Variants in CD47 observed in about 807,000 individuals in gnomAD.
The protein encoded by CD47 is leukocyte surface antigen CD47.
In CD47, 11 loss-of-function variants were observed where a neutral mutation model predicts 44.6. That is an observed-to-expected ratio of 0.25 (90% CI 0.16 to 0.41). The LOEUF is 0.41. Ranked by LOEUF, CD47 falls within the 10% of genes least tolerant of loss-of-function variation. The pLI, the probability that CD47 is intolerant of heterozygous loss-of-function variation, is 1.00. For missense variants in CD47, 306 were observed against 386.7 expected (o/e 0.79, Z 1.75); for synonymous variants, 140 against 136.3 (o/e 1.03, Z -0.19).
chr3:108,090,485 C>A (rs762676952), intron 1 of CD47, among the ~76,000 whole-genome samples: 9 of 152,086 alleles, frequency 5.9e-5, no homozygotes, highest in Admixed American at 1.3e-4. Context: ...GAGAGGGGTG[C>A]GAAAGAAGGG....
chr3:108,052,150 ACT>A, intron 7 of CD47, 180 bp from the exon 8 acceptor site: 1 of 442,386 alleles, frequency 2.3e-6, no homozygotes, highest in East Asian at 4.1e-5. Context: ...GATTATATAC[ACT>A]GATTTGAAAA....
At chr3:108,072,030 T>C (rs2079213728) in intron 2 of CD47, among the ~76,000 whole-genome samples, 1 of 152,210 alleles carries the variant, frequency 6.6e-6, no homozygotes, top group Admixed American at 6.5e-5. Context: ...CCACATATCC[T>C]ATATAAAGGA....
chr3:108,087,053 AGGAAGTTAATTATCTGCTG>A (rs1426683186), intron 1 of CD47, among the ~76,000 whole-genome samples: 1 of 152,202 alleles, frequency 6.6e-6, no homozygotes, highest in African/African-American at 2.4e-5. Context: ...GCAGTAGAGT[AGGAAGTTAATTATCTGCTG>A]GGAATGGATG....
chr3:108,071,261 C>A, intron 2 of CD47, 79 bp from the exon 3 acceptor site: 1 of 654,130 alleles, frequency 1.5e-6, no homozygotes, highest in Non-Finnish European at 2.6e-6. Context: ...ATAATACATG[C>A]TTTATTATAG....
chr3:108,051,929 T>A lies in CD47; in HGVS notation c.909+10A>T. 2.0e-6 allele frequency: 3 copies of A among 1,500,944 alleles called. No homozygotes were observed. Among genetic ancestry groups the A allele is most frequent in the Non-Finnish European group, 2.8e-6 (3 of 1,079,532 alleles). The allele number at this position is 1,500,944 out of a possible 1,614,324, so 93.0% of individuals were successfully genotyped here. ...ATCATTCACAATTCATTTAATAAACTTTAACTTACCCTAGGAGGTTGTATA... is the reference window on the plus strand; with the variant it reads ...ATCATTCACAATTCATTTAATAAACATTAACTTACCCTAGGAGGTTGTATA... On this transcript the variant is annotated intron_variant, in intron 8 of 10. Coordinates refer to ENST00000361309, the MANE Select transcript of CD47 (RefSeq NM_001777.4).
chr3:108,083,122 T>C (rs901936901), intron 1 of CD47, among the ~76,000 whole-genome samples: 1 of 152,054 alleles, frequency 6.6e-6, no homozygotes, highest in Admixed American at 6.6e-5. Context: ...AAACTCTGAA[T>C]AAACAAGATA....
At position 108,080,268 on chromosome 3, in the gene CD47, G is replaced by A. The variant is rs2079391681; in HGVS notation, c.123C>T (p.Cys41=). Residue 41 remains cysteine, a synonymous_variant, in exon 2 of 11, where the codon TGC becomes TGT. Transcript: ENST00000361309. ...TTTGTGCCTCCATATTAGTAACAAA[G>A]CATGGAATGACGACAGTGTCATTAC... ...TFCNDTVVIP[C]FVTNMEAQNT... 1.2e-6 allele frequency: 2 copies of A among 1,611,758 alleles called. No homozygotes were observed. Among genetic ancestry groups the A allele is most frequent in the East Asian group, 2.2e-5 (1 of 44,854 alleles).
At chr3:108,080,475 A>G in intron 1 of CD47, 131 bp from the exon 2 acceptor site, 1 of 570,682 alleles carries the variant, frequency 1.8e-6, no homozygotes, top group Non-Finnish European at 3.1e-6. Context: ...ATAGCAATGA[A>G]GAAGACCTAT....
intron 6 of CD47, 52 bp from the exon 7 acceptor site, chr3:108,057,621 TA>T (rs757981504): frequency 1.0e-5 from 9 of 886,068 alleles, no homozygotes; most frequent in Admixed American, 2.0e-5. Context: ...AATAACTTAC[TA>T]AAAAACAGTA....
At chr3:108,056,350 T>C (rs1400492790) in intron 7 of CD47, among the ~76,000 whole-genome samples, 1 of 152,194 alleles carries the variant, frequency 6.6e-6, no homozygotes, top group African/African-American at 2.4e-5. Flanking sequence ...TAATTATTTA[T>C]CTAATAAGCA....
At chr3:108,060,094 T>C (rs1464956446) in intron 4 of CD47, among the ~76,000 whole-genome samples, 1 of 152,226 alleles carries the variant, frequency 6.6e-6, no homozygotes, top group African/African-American at 2.4e-5. Context: ...ATCCTCCAAA[T>C]GCAACTGCCA....
At chr3:108,083,665 G>C (rs2079460217) in intron 1 of CD47, among the ~76,000 whole-genome samples, 1 of 151,990 alleles carries the variant, frequency 6.6e-6, no homozygotes, top group Admixed American at 6.6e-5. Flanking sequence ...ACAGAAGAAT[G>C]TCATAGTCCC....
chr3:108,086,360 C>T (rs2079521108), intron 1 of CD47, among the ~76,000 whole-genome samples: 1 of 151,816 alleles, frequency 6.6e-6, no homozygotes, highest in Non-Finnish European at 1.5e-5. Flanking sequence ...AGGTAAAGAA[C>T]AACTGGAGAG....
chr3:108,047,766 T>C (rs1243719657), intron 10 of CD47, among the ~76,000 whole-genome samples: 1 of 152,216 alleles, frequency 6.6e-6, no homozygotes, highest in Non-Finnish European at 1.5e-5. Context: ...CAGTTGTCAG[T>C]GGGAAGTACC....
intron 4 of CD47, among the ~76,000 whole-genome samples, chr3:108,060,398 G>A (rs1244514092): frequency 6.6e-6 from 1 of 152,186 alleles, no homozygotes; most frequent in Non-Finnish European, 1.5e-5. Flanking sequence ...AAAACACAGA[G>A]GCAAAGACAT....
In CD47 at chr3:108,076,154, C is replaced by T. The variant is rs192029392; in HGVS notation, c.400+3837G>A. On this transcript the variant is annotated intron_variant, in intron 2 of 10. Coordinates refer to ENST00000361309, the MANE Select transcript of CD47 (RefSeq NM_001777.4). ...CCAGTCATGCCATGACCAGGCTTGC[C>T]ACCTACAAAACTTTGAGCTAAAAAA... is the stretch of plus-strand genomic sequence containing the variant. 2.3e-3 allele frequency among the ~76,000 whole-genome samples: 356 copies of T among 152,312 alleles called. 1 individual carries two copies. The highest frequency in any genetic ancestry group is 8.2e-3 in the African/African-American group (340 of 41,578).
intron 10 of CD47, among the ~76,000 whole-genome samples, chr3:108,048,371 G>GTTTTTTT (rs146476512): frequency 7.5e-5 from 6 of 79,602 alleles, no homozygotes; most frequent in Middle Eastern, 8.8e-3. Flanking sequence ...TGACTGGAGT[G>GTTTTTTT]TTTTTTTTTT....
intron 4 of CD47, 74 bp downstream of exon 4, chr3:108,060,671 C>A: frequency 1.0e-6 from 1 of 966,614 alleles, no homozygotes; most frequent in Non-Finnish European, 1.7e-6. Context: ...CCCTAGGAAA[C>A]TAATGCAGCC....
chr3:108,086,136 T>G (rs2079516668), intron 1 of CD47, among the ~76,000 whole-genome samples: 1 of 151,784 alleles, frequency 6.6e-6, no homozygotes, highest in Admixed American at 6.6e-5. Flanking sequence ...TTAGGTGAGC[T>G]CTAGGAAATG....
Sources: gnomAD v4.1 joint callset for allele counts (sites outside exome capture counted in the v4.1 genomes callset) on GRCh38, gnomAD v4.1.1 for gene constraint, MANE v1.5 for transcripts, NCBI Gene and HGNC (gene_info 2026-07-23, HGNC 2026-07-21) for gene names.